Variants in NAA11 observed in about 807,000 individuals in gnomAD.
The protein encoded by NAA11 is N-alpha-acetyltransferase 11.
In NAA11, 15 loss-of-function variants were observed where a neutral mutation model predicts 16.1. The observed-to-expected ratio is 0.93, with a 90% confidence interval of 0.62 to 1.44. The LOEUF (loss-of-function observed/expected upper bound fraction) is 1.44. Among genes scored for constraint, NAA11 ranks in the 40% most tolerant of loss-of-function variants. The pLI, the probability that NAA11 is intolerant of heterozygous loss-of-function variation, is 0.00. For missense variants in NAA11, 298 were observed against 291.3 expected (o/e 1.02, Z -0.17); for synonymous variants, 122 against 112.4 (o/e 1.09, Z -0.54).
At chr4:79,267,335 C>T (rs1317746444) in intron 2 of NAA11, among the ~76,000 whole-genome samples, 1 of 152,134 alleles carries the variant, frequency 6.6e-6, no homozygotes, top group Non-Finnish European at 1.5e-5. Context: ...GATTATTACA[C>T]TTGGGGAGAG....
chr4:79,231,231 G>T (rs994940909), intron 2 of NAA11, among the ~76,000 whole-genome samples: 1 of 151,936 alleles, frequency 6.6e-6, no homozygotes, highest in Non-Finnish European at 1.5e-5. Context: ...CTACTGGTTT[G>T]GCAGAGTGAT....
chr4:79,239,289 A>G (rs1264389707), intron 2 of NAA11, among the ~76,000 whole-genome samples: 1 of 152,224 alleles, frequency 6.6e-6, no homozygotes, highest in Non-Finnish European at 1.5e-5. Context: ...TAAGCGAGAG[A>G]TAGCCAGAAA....
Position 79,240,798 on chromosome 4 carries a change from G to A in NAA11, c.*123-14528C>T, listed in dbSNP as rs141385337. On this transcript the variant is annotated intron_variant and NMD_transcript_variant, in intron 2 of 2. Transcript: ENST00000511542. ...ACACAATGGAGGTAAGGAGGACCATGTTTGAAATATGGTAGATTCTCTGTG... is the reference window on the plus strand; with the variant it reads ...ACACAATGGAGGTAAGGAGGACCATATTTGAAATATGGTAGATTCTCTGTG... Among the ~76,000 whole-genome samples the A allele has an allele frequency of 6.9e-3, 1,050 of 152,216 alleles. 7 individuals carry two copies. The highest frequency in any genetic ancestry group is 0.037 in the Middle Eastern group (11 of 294).
rs538762774 is a variant in NAA11, at chr4:79,278,433, T to C, written c.*122+15572A>G. Reference sequence around the variant, plus strand: ...ACCTCTTCAATCCTATCTCTCACTTTCCCTACTTTGAAAATTTTTCCCTAA... The same window carrying C: ...ACCTCTTCAATCCTATCTCTCACTTCCCCTACTTTGAAAATTTTTCCCTAA... On this transcript the variant is annotated intron_variant and NMD_transcript_variant, in intron 2 of 2. Coordinates refer to the NAA11 transcript ENST00000511542. 1.1e-4 allele frequency among the ~76,000 whole-genome samples: 17 copies of C among 152,250 alleles called. No individual in the cohort carries two copies. In the South Asian group the frequency reaches 2.1e-3, roughly 19 times the overall value.
chr4:79,238,324 T>A (rs1304937717), intron 2 of NAA11, among the ~76,000 whole-genome samples: 3 of 152,224 alleles, frequency 2.0e-5, no homozygotes, highest in African/African-American at 7.2e-5. Flanking sequence ...TGTAAATCTC[T>A]TCCTCCTTTT....
chr4:79,198,709 T>C, the NAA11 span, among the ~76,000 whole-genome samples: 1 of 151,918 alleles, frequency 6.6e-6, no homozygotes, highest in Non-Finnish European at 1.5e-5. Context: ...AAGATTGATA[T>C]ATGTCATGAT....
intron 2 of NAA11, among the ~76,000 whole-genome samples, chr4:79,260,543 G>T (rs1722226933): frequency 1.3e-5 from 2 of 152,298 alleles, no homozygotes; most frequent in Admixed American, 1.3e-4. Flanking sequence ...TCCCGCTTTT[G>T]ACTCTCCATC....
chr4:79,315,415 A>G (rs1427536755), downstream of NAA11, among the ~76,000 whole-genome samples: 2 of 152,114 alleles, frequency 1.3e-5, no homozygotes, highest in Non-Finnish European at 2.9e-5. Context: ...TTATCTCCAA[A>G]GGGAAAACCA....
intron 2 of NAA11, among the ~76,000 whole-genome samples, chr4:79,277,487 TA>T (rs1472838174): frequency 6.6e-6 from 1 of 152,136 alleles, no homozygotes; most frequent in Non-Finnish European, 1.5e-5. Context: ...GAGGGGTTGT[TA>T]GATATGAATT....
At chr4:79,242,157 T>C (rs1721711633) in intron 2 of NAA11, among the ~76,000 whole-genome samples, 1 of 152,186 alleles carries the variant, frequency 6.6e-6, no homozygotes, top group African/African-American at 2.4e-5. Context: ...CCTGTCAAGT[T>C]CCATTCATAC....
chr4:79,250,605 T>G, intron 2 of NAA11, among the ~76,000 whole-genome samples: 1 of 152,118 alleles, frequency 6.6e-6, no homozygotes, highest in East Asian at 1.9e-4. Context: ...CAAAAGCAAT[T>G]ACAACAAAAA....
chr4:79,294,204 T>C (rs746156318), intron 1 of NAA11: 6 of 152,246 alleles, frequency 3.9e-5, no homozygotes, highest in Non-Finnish European at 8.8e-5. Flanking sequence ...ATTTCTAAAT[T>C]TTAAGCACAG....
At chr4:79,241,125 C>T (rs1400295697) in intron 2 of NAA11, among the ~76,000 whole-genome samples, 1 of 152,118 alleles carries the variant, frequency 6.6e-6, no homozygotes, top group Admixed American at 6.5e-5. Context: ...CACTGCCACC[C>T]CTGAGACAGC....
chr4:79,282,303 T>A (rs1722811859), intron 2 of NAA11, among the ~76,000 whole-genome samples: 1 of 152,074 alleles, frequency 6.6e-6, no homozygotes, highest in Non-Finnish European at 1.5e-5. Flanking sequence ...TTTGGAAGGT[T>A]TAAATAGAAC....
chr4:79,269,843 G>A (rs1210238490), intron 2 of NAA11, among the ~76,000 whole-genome samples: 3 of 147,934 alleles, frequency 2.0e-5, no homozygotes, highest in South Asian at 2.2e-4. Flanking sequence ...TAGGTCTAAC[G>A]TTTAAATCTT....
chr4:79,230,385 T>A (rs1018790202), intron 2 of NAA11, among the ~76,000 whole-genome samples: 11 of 152,054 alleles, frequency 7.2e-5, no homozygotes, highest in Non-Finnish European at 1.5e-4. Flanking sequence ...GTAACTAACC[T>A]GCACATTGTG....
At chr4:79,173,791 C>T in the NAA11 span, among the ~76,000 whole-genome samples, 1 of 152,016 alleles carries the variant, frequency 6.6e-6, no homozygotes, top group Non-Finnish European at 1.5e-5. Context: ...ACAATGTTAG[C>T]TTTATTTCTT....
At chr4:79,218,572 T>C in the NAA11 span, among the ~76,000 whole-genome samples, 22 of 152,220 alleles carry the variant, frequency 1.4e-4, no homozygotes, top group Middle Eastern at 6.8e-3. Context: ...TTAGTCCAAA[T>C]ACTTTATTAC....
At chr4:79,168,797 A>G in the NAA11 span, among the ~76,000 whole-genome samples, 2 of 152,184 alleles carry the variant, frequency 1.3e-5, no homozygotes, top group African/African-American at 4.8e-5. Context: ...ATAGATTGCA[A>G]AAATCTTCTC....
Sources: allele counts gnomAD v4.1 joint callset (sites outside exome capture counted in the v4.1 genomes callset), GRCh38; gene constraint gnomAD v4.1.1; transcripts MANE v1.5; gene names NCBI Gene and HGNC (gene_info 2026-07-23, HGNC 2026-07-21).